The following FRMD3 variants were observed in gnomAD, a reference collection of about 807,000 sequenced individuals.
The protein encoded by FRMD3 is FERM domain containing 3.
Under a neutral mutation model 70.2 loss-of-function variants are expected in FRMD3, and 33 were observed. The observed-to-expected ratio is 0.47, with a 90% CI of 0.36 to 0.63. The LOEUF (loss-of-function observed/expected upper bound fraction) is 0.63, where lower values mean the gene tolerates loss of function less well. Among genes scored for constraint, FRMD3 ranks in the 20% least tolerant of loss-of-function variants. FRMD3 has a pLI of 0.00. For synonymous variants in FRMD3, 279 were observed against 255.9 expected, an observed-to-expected ratio of 1.09 and a Z score of -0.86; for missense variants, 632 against 711.4, an observed-to-expected ratio of 0.89 and a Z score of 1.27.
chr9:83,353,470 G>C (rs1176501177), intron 3 of FRMD3, among the ~76,000 whole-genome samples: 1 of 152,072 alleles, frequency 6.6e-6, no homozygotes, highest in Non-Finnish European at 1.5e-5. Context: ...GATGCATGAG[G>C]GTATAGAATA....
chr9:83,290,568 C>A (rs370821941), intron 13 of FRMD3, 35 bp downstream of exon 13: 83 of 1,612,940 alleles, frequency 5.1e-5, no homozygotes, highest in Non-Finnish European at 6.5e-5. Flanking sequence ...AGGAAGCCTG[C>A]AGCACCAGCA....
chr9:83,381,655 CA>C (rs1825359636), intron 2 of FRMD3, among the ~76,000 whole-genome samples: 1 of 151,998 alleles, frequency 6.6e-6, no homozygotes, highest in Admixed American at 6.6e-5. Context: ...CAGGGATGGG[CA>C]AAAGAGAGAT....
At chr9:83,407,867 C>CTCATCTT (rs1210852095) in intron 1 of FRMD3, among the ~76,000 whole-genome samples, 4,581 of 118,856 alleles carry the variant, frequency 0.039, 102 homozygotes, top group Admixed American at 0.047. Context: ...CTCTCTCTCT[C>CTCATCTT]TCTCTCATCT....
intron 3 of FRMD3, chr9:83,351,049 T>G: frequency 1.1e-6 from 1 of 906,880 alleles, no homozygotes; most frequent in Non-Finnish European, 1.3e-6. Flanking sequence ...TCAGTCTACA[T>G]CCAAATGTGA....
intron 1 of FRMD3, among the ~76,000 whole-genome samples, chr9:83,493,858 C>G (rs1043565671): frequency 2.0e-5 from 3 of 152,232 alleles, no homozygotes; most frequent in African/African-American, 7.2e-5. Flanking sequence ...TGCACCCAGC[C>G]TCCCCATCCC....
In FRMD3 at chr9:83,537,507, T is replaced by C. The variant is rs1293102706; in HGVS notation, c.147+578A>G. Among the ~76,000 whole-genome samples, 2 of 152,156 alleles carry C rather than the reference T, an allele frequency of 1.3e-5. No individual in the cohort carries two copies. The highest frequency in any genetic ancestry group is 4.8e-5 in the African/African-American group (2 of 41,444). On this transcript the variant is annotated intron_variant, in intron 1 of 13. Coordinates refer to ENST00000304195, the MANE Select transcript of FRMD3 (RefSeq NM_174938.6). The surrounding 1 kb of genome is among the most constrained non-coding windows in gnomAD (Gnocchi z 4.1). Reference sequence around the variant, plus strand: ...GGCTGGCGCCCAGGGCAGCCCGGCCTCTCTCACTCTGGGGAAACTTCGCCA... The same window carrying C: ...GGCTGGCGCCCAGGGCAGCCCGGCCCCTCTCACTCTGGGGAAACTTCGCCA...
downstream of FRMD3, among the ~76,000 whole-genome samples, chr9:83,243,972 C>G (rs940771967): frequency 6.6e-6 from 1 of 151,948 alleles, no homozygotes; most frequent in Admixed American, 6.6e-5. Context: ...ACTGAAAATA[C>G]AAAAAATTAG....
rs368442877 is a variant in FRMD3 at position 83,249,671 on chromosome 9, C to G, written c.1196-1155G>C. 6.6e-5 allele frequency among the ~76,000 whole-genome samples: 10 copies of G among 152,204 alleles called. No individual in the cohort carries two copies. In the South Asian group the frequency reaches 1.0e-3, roughly 16 times the overall value. On this transcript the variant is annotated intron_variant, in intron 13 of 13. Transcript: ENST00000304195. The stretch of plus-strand genomic sequence containing the variant: ...ATACCATAAAAATACAAGAAATATA[C>G]AAAAGGTCAACAAGCACATGAAAGT...
At chr9:83,367,428 A>G (rs529710296) in intron 3 of FRMD3, among the ~76,000 whole-genome samples, 1 of 152,332 alleles carries the variant, frequency 6.6e-6, no homozygotes, top group Non-Finnish European at 1.5e-5. Flanking sequence ...AACCTGGCAG[A>G]ATACATGCAG....
intron 1 of FRMD3, among the ~76,000 whole-genome samples, chr9:83,454,876 C>T (rs963296386): frequency 6.6e-5 from 10 of 152,252 alleles, no homozygotes; most frequent in South Asian, 6.2e-4. Context: ...AAGGAAAATA[C>T]AGATCATTGA....
chr9:83,545,152 G>A, the FRMD3 span, among the ~76,000 whole-genome samples: 3 of 152,154 alleles, frequency 2.0e-5, no homozygotes, highest in South Asian at 4.1e-4. Context: ...TTCAAGGTAT[G>A]AATGAAAAAT....
intron 12 of FRMD3, among the ~76,000 whole-genome samples, chr9:83,296,220 A>G (rs1834656561): frequency 6.6e-6 from 1 of 152,182 alleles, no homozygotes; most frequent in African/African-American, 2.4e-5. Flanking sequence ...CTACCACACA[A>G]CCAGCTACTG....
intron 13 of FRMD3, among the ~76,000 whole-genome samples, chr9:83,265,307 G>T (rs1310549254): frequency 2.0e-5 from 3 of 150,938 alleles, no homozygotes; most frequent in Non-Finnish European, 4.4e-5. Flanking sequence ...GGCTGAGGCA[G>T]GAGAATGGTG....
At position 83,310,028 on chromosome 9, in the gene FRMD3, G is replaced by T. The variant is rs542995803; in HGVS notation, c.838-404C>A. Among the ~76,000 whole-genome samples the T allele has an allele frequency of 2.6e-5, 4 of 152,228 alleles. No homozygotes were observed. The South Asian group carries it at 8.3e-4, about 32-fold the overall frequency. The stretch of plus-strand genomic sequence containing the variant: ...TCTGAGGCTTAATATTTTGTTAATG[G>T]TCTCCGCACAAATGCATTCCCTGGT... On this transcript the variant is annotated intron_variant, in intron 9 of 13. Coordinates refer to ENST00000304195, the MANE Select transcript of FRMD3 (RefSeq NM_174938.6).
At chr9:83,511,352 G>A (rs1829335254) in intron 1 of FRMD3, among the ~76,000 whole-genome samples, 2 of 152,196 alleles carry the variant, frequency 1.3e-5, no homozygotes, top group Admixed American at 1.3e-4. Context: ...CAGAGAAGGG[G>A]GGAGGCTGAG....
chr9:83,424,712 A>T (rs1198470284), intron 1 of FRMD3, among the ~76,000 whole-genome samples: 3 of 152,244 alleles, frequency 2.0e-5, no homozygotes, highest in African/African-American at 7.2e-5. Context: ...AAACAGAAAT[A>T]ACTCACACGG....
At position 83,489,619 on chromosome 9, in the gene FRMD3, A is replaced by C. The variant is rs1176049912; in HGVS notation, c.147+48466T>G. Among the ~76,000 whole-genome samples the C allele has an allele frequency of 1.3e-5, 2 of 152,214 alleles. 1 individual carries two copies. Among genetic ancestry groups the C allele is most frequent in the Non-Finnish European group, 2.9e-5 (2 of 68,036 alleles). On this transcript the variant is annotated intron_variant, in intron 1 of 13. Transcript: ENST00000304195. Reference sequence around the variant, plus strand: ...AAATCAAAAAATAACAGATGCTAGCAAGGCTGTAGAGTAAAGGGAATGCTT... The same window carrying C: ...AAATCAAAAAATAACAGATGCTAGCCAGGCTGTAGAGTAAAGGGAATGCTT...
intron 13 of FRMD3, among the ~76,000 whole-genome samples, chr9:83,280,582 A>G (rs138897084): frequency 8.5e-5 from 13 of 152,294 alleles, no homozygotes; most frequent in African/African-American, 3.1e-4. Flanking sequence ...AGTTTCAAAA[A>G]CATATCACCC....
chr9:83,529,536 G>A (rs923958558), intron 1 of FRMD3, among the ~76,000 whole-genome samples: 1 of 152,126 alleles, frequency 6.6e-6, no homozygotes, highest in Admixed American at 6.5e-5. Flanking sequence ...AAATGTAAGA[G>A]CTAAAACTAT....
Sources: gnomAD v4.1 joint callset for allele counts (sites outside exome capture counted in the v4.1 genomes callset) on GRCh38, gnomAD v4.1.1 for gene constraint, Gnocchi (gnomAD v3.1) non-coding constraint, MANE v1.5 for transcripts, NCBI Gene and HGNC (gene_info 2026-07-23, HGNC 2026-07-21) for gene names.